Variants in PON1 observed in about 807,000 individuals in gnomAD.
PON1 encodes serum paraoxonase/arylesterase 1.
Under a neutral mutation model 39.2 loss-of-function variants are expected in PON1, and 37 were observed. That is an observed-to-expected ratio of 0.94 (90% CI 0.73 to 1.24). PON1 has a LOEUF of 1.24. Among genes scored for constraint, PON1 ranks in the 50% most tolerant of loss-of-function variants. The probability of loss-of-function intolerance (pLI) is 0.00; values close to 1 mark genes in which losing one functional copy is unlikely to be tolerated. For missense variants in PON1, 397 were observed against 413.5 expected, an observed-to-expected ratio of 0.96 and a Z score of 0.35; for synonymous variants, 148 against 152.2, an observed-to-expected ratio of 0.97 and a Z score of 0.21.
intron 1 of PON1, 67 bp downstream of exon 1, chr7:95,324,335 G>T: frequency 6.7e-7 from 1 of 1,491,518 alleles, no homozygotes. Context: ...CAACTTTCTG[G>T]GGGCTCGTGG....
chr7:95,311,292 G>GA (rs1807647039), intron 5 of PON1, among the ~76,000 whole-genome samples, 159 bp downstream of exon 5: 1 of 152,138 alleles, frequency 6.6e-6, no homozygotes, highest in Non-Finnish European at 1.5e-5. Flanking sequence ...AGGGGCTTGA[G>GA]TCCTCAGAAG....
chr7:95,299,103 C>T lies in PON1; in HGVS notation c.910-1G>A. ...TTAGAATGTTCTGGATTCGAAGCAC[C>T]TGTGGAAGAAATAACATTGGGTTAA... On this transcript the variant is annotated splice_acceptor_variant, in intron 8 of 8. Coordinates refer to ENST00000222381, the MANE Select transcript of PON1 (RefSeq NM_000446.7). LOFTEE classifies it high-confidence loss of function. The T allele has an allele frequency of 1.2e-6, 2 of 1,613,848 alleles. No individual in the cohort carries two copies.
intron 5 of PON1, among the ~76,000 whole-genome samples, chr7:95,310,951 T>C (rs1807639871): frequency 1.3e-5 from 2 of 152,110 alleles, no homozygotes; most frequent in African/African-American, 4.8e-5. Flanking sequence ...GGGAATTGAG[T>C]GTTACCACAG....
chr7:95,306,074 G>A (rs762739713), intron 7 of PON1, among the ~76,000 whole-genome samples: 33 of 152,144 alleles, frequency 2.2e-4, no homozygotes, highest in Non-Finnish European at 1.9e-4. Flanking sequence ...CAAGGTTCAC[G>A]GGTAAGAGGT....
chr7:95,306,173 A>G (rs1807536705), intron 7 of PON1, 112 bp downstream of exon 7: 1 of 881,112 alleles, frequency 1.1e-6, no homozygotes, highest in East Asian at 2.4e-5. Context: ...GGAGTGAAAA[A>G]TTGGTTCTCA....
chr7:95,319,818 G>A (rs1215600022), intron 1 of PON1, among the ~76,000 whole-genome samples: 1 of 152,116 alleles, frequency 6.6e-6, no homozygotes, highest in African/African-American at 2.4e-5. Flanking sequence ...TTTATATGGT[G>A]CGAACACCCA....
intron 7 of PON1, 92 bp downstream of exon 7, chr7:95,306,193 A>G (rs1404707078): frequency 1.9e-5 from 22 of 1,137,142 alleles, no homozygotes; most frequent in Non-Finnish European, 2.8e-5. Flanking sequence ...ACCCACCCCA[A>G]TTAAGCAGTC....
intron 2 of PON1, among the ~76,000 whole-genome samples, chr7:95,318,038 A>G (rs1807808729): frequency 6.6e-6 from 1 of 151,218 alleles, no homozygotes; most frequent in African/African-American, 2.4e-5. Context: ...CTCAGGTTAG[A>G]TTGCCATGGA....
chr7:95,319,045 C>A (rs1039000196), intron 1 of PON1, among the ~76,000 whole-genome samples: 1 of 151,814 alleles, frequency 6.6e-6, no homozygotes, highest in Admixed American at 6.6e-5. Flanking sequence ...AAGTGCCAGC[C>A]GGCTGCCTGA....
chr7:95,323,522 T>C (rs992878705), intron 1 of PON1, among the ~76,000 whole-genome samples: 8 of 152,282 alleles, frequency 5.3e-5, no homozygotes, highest in African/African-American at 1.7e-4. Flanking sequence ...TTAATTTTTA[T>C]TAGGTTTTAC....
rs34709624 is a variant in PON1 at position 95,304,327 on chromosome 7, C to CTTTT, written c.780+1954_780+1957dup. On this transcript the variant is annotated intron_variant, in intron 7 of 8. Coordinates refer to ENST00000222381, the MANE Select transcript of PON1 (RefSeq NM_000446.7). The stretch of plus-strand genomic sequence containing the variant: ...TGTAGCAGGTATCAGAACTTCATTC[C>CTTTT]TTTTTTTTTTTTTTTTTTTTTTTAG... 3.7e-4 allele frequency among the ~76,000 whole-genome samples: 40 copies of CTTTT among 109,516 alleles called. 2 individuals carry two copies. Among genetic ancestry groups the CTTTT allele is most frequent in the African/African-American group, 1.3e-3 (31 of 24,764 alleles). 71.8% of individuals were successfully genotyped at this position (109,516 alleles called of 152,430 possible).
chr7:95,316,948 C>T (rs748263998), intron 2 of PON1, among the ~76,000 whole-genome samples, 159 bp from the exon 3 acceptor site: 13 of 152,044 alleles, frequency 8.6e-5, no homozygotes, highest in South Asian at 2.1e-4. Context: ...TTGATGAATG[C>T]GATTATATGG....
At chr7:95,318,929 T>C (rs1370880073) in intron 1 of PON1, among the ~76,000 whole-genome samples, 3 of 152,118 alleles carry the variant, frequency 2.0e-5, no homozygotes, top group Admixed American at 2.0e-4. Flanking sequence ...CACACACAGG[T>C]GCACTCACAC....
intron 7 of PON1, among the ~76,000 whole-genome samples, chr7:95,305,911 T>C (rs1050871377): frequency 6.6e-6 from 1 of 151,894 alleles, no homozygotes; most frequent in Non-Finnish European, 1.5e-5. Flanking sequence ...TCTTGGCTGT[T>C]CCATCAACAT....
Position 95,308,090 on chromosome 7 carries a change from A to G in PON1, c.619T>C (p.Tyr207His), listed in dbSNP as rs778909584. The change falls in exon 6 of 9, where the codon TAC becomes CAC. Residue 207 changes from tyrosine (Y) to histidine (H), a missense_variant. Physicochemically the swap from Tyr to His is moderately conservative, Grantham distance 83 (BLOSUM62 2). Coordinates refer to ENST00000222381, the MANE Select transcript of PON1 (RefSeq NM_000446.7). ...YLGLAWSYVV[Y>H]YSPSEVRVVA... ...ACTCGAACTTCACTTGGACTATAGT[A>G]GACAACATACGACCACGCTAAACCC... 16 of 1,614,070 alleles carry G rather than the reference A, an allele frequency of 9.9e-6. No homozygotes were observed. Among genetic ancestry groups the G allele is most frequent in the Non-Finnish European group, 1.3e-5 (15 of 1,180,040 alleles).
At chr7:95,301,242 C>T (rs542282682) in intron 8 of PON1, among the ~76,000 whole-genome samples, 2 of 152,110 alleles carry the variant, frequency 1.3e-5, no homozygotes, top group Non-Finnish European at 2.9e-5. Context: ...AGACCGTGGA[C>T]AAAAAATGGG....
chr7:95,301,309 C>T (rs1807415524), intron 8 of PON1, among the ~76,000 whole-genome samples: 1 of 152,082 alleles, frequency 6.6e-6, no homozygotes, highest in Non-Finnish European at 1.5e-5. Context: ...AGAATAATTC[C>T]AGCTATTTAT....
chr7:95,302,344 T>A lies in PON1; in HGVS notation c.781-11A>T, dbSNP rs1807454049. On this transcript the variant is annotated splice_polypyrimidine_tract_variant and intron_variant, in intron 7 of 8. Transcript: ENST00000222381. ...ATTAAAGTCAAGGGACTTAAAAGAT[T>A]AAAAACAAGAAAAGAACAAGACATA... 1.9e-6 allele frequency: 3 copies of A among 1,601,504 alleles called. No homozygotes were observed. In the African/African-American group the frequency reaches 4.0e-5, roughly 21 times the overall value.
intron 7 of PON1, among the ~76,000 whole-genome samples, chr7:95,303,571 CACAATT>C (rs1807477425): frequency 6.6e-6 from 1 of 152,124 alleles, no homozygotes; most frequent in Middle Eastern, 3.2e-3. Context: ...TCATTCAAGA[CACAATT>C]ACTGAGCTCC....
Sources: gnomAD v4.1 joint callset for allele counts (sites outside exome capture counted in the v4.1 genomes callset) on GRCh38, gnomAD v4.1.1 for gene constraint, MANE v1.5 for transcripts, NCBI Gene and HGNC (gene_info 2026-07-23, HGNC 2026-07-21) for gene names.